The following FMN2 variants were observed in gnomAD, a reference collection of about 807,000 sequenced individuals.
FMN2 encodes the protein formin-2.
A neutral mutation model predicts 142.3 loss-of-function variants in FMN2; 51 were observed. The observed-to-expected ratio is 0.36, with a 90% confidence interval of 0.29 to 0.45. The LOEUF is 0.45. Among genes scored for constraint, FMN2 ranks in the 20% least tolerant of loss-of-function variants. FMN2 has a pLI of 1.00. For missense variants in FMN2, 1,936 were observed against 2,122.8 expected, an observed-to-expected ratio of 0.91 and a Z score of 1.73; for synonymous variants, 882 against 869.8, an observed-to-expected ratio of 1.01 and a Z score of -0.25.
intron 8 of FMN2, among the ~76,000 whole-genome samples, chr1:240,328,167 A>AAAAAAGAAAAAG (rs796164696): frequency 1.4e-5 from 2 of 141,076 alleles, no homozygotes; most frequent in Non-Finnish European, 3.1e-5. Flanking sequence ...AAAAAAAAAA[A>AAAAAAGAAAAAG]AAAAAGAAAA....
Position 240,334,104 on chromosome 1 carries a change from A to C in FMN2, c.4645-5A>C, listed in dbSNP as rs762761925. 3 of 1,591,542 alleles carry C rather than the reference A, an allele frequency of 1.9e-6. No homozygotes were observed. In the Admixed American group the frequency reaches 5.6e-5, roughly 30 times the overall value. On this transcript the variant is annotated splice_region_variant and splice_polypyrimidine_tract_variant and intron_variant, in intron 12 of 17. Transcript: ENST00000319653. ...TTAAATATGATGGGGTTTTTTGTTCATTAGGATGCTGGAAAAGAACAGTGC... is the reference window on the plus strand; with the variant it reads ...TTAAATATGATGGGGTTTTTTGTTCCTTAGGATGCTGGAAAAGAACAGTGC...
Position 240,430,982 on chromosome 1 carries a change from T to TAA in FMN2, c.4911-7066_4911-7065dup, listed in dbSNP as rs377031896. 1.4e-3 allele frequency among the ~76,000 whole-genome samples: 201 copies of TAA among 141,586 alleles called. 3 individuals carry two copies. The highest frequency in any genetic ancestry group is 4.4e-3 in the African/African-American group (171 of 39,008). The allele number at this position is 141,586 out of a possible 152,430, so 92.9% of individuals were successfully genotyped here. A position where few individuals can be genotyped will look rare whatever the true frequency, so the allele number is the denominator to read the frequency against. On this transcript the variant is annotated intron_variant, in intron 15 of 17. Transcript: ENST00000319653. ...TTTAGAATCAGCATATCAGTCCCTT[T>TAA]AAAAAAAAAAAAAACTCTTGATTGG...
intron 2 of FMN2, chr1:240,143,074 C>A: frequency 6.6e-7 from 1 of 1,513,228 alleles, no homozygotes; most frequent in Middle Eastern, 1.7e-4. Context: ...GTAAGTGTAC[C>A]CTTCCCTAAA....
chr1:240,388,227 C>CAAAAAAAAAA (rs761610582), intron 14 of FMN2, among the ~76,000 whole-genome samples: 3 of 6,052 alleles, frequency 5.0e-4, no homozygotes, highest in African/African-American at 1.7e-3. Context: ...GTGCTCAAAG[C>CAAAAAAAAAA]AAAAAAAAAA....
intron 8 of FMN2, among the ~76,000 whole-genome samples, chr1:240,323,848 C>A (rs997885575): frequency 6.6e-6 from 1 of 152,198 alleles, no homozygotes; most frequent in African/African-American, 2.4e-5. Context: ...TGTCTTTCCT[C>A]TGAAGCTTCC....
chr1:240,472,126 T>A, intron 16 of FMN2: 1 of 391,974 alleles, frequency 2.6e-6, no homozygotes. Flanking sequence ...AATTCTTATG[T>A]GTTTGTATAT....
intron 1 of FMN2, among the ~76,000 whole-genome samples, chr1:240,112,773 TTCCTGATA>T (rs1342074268): frequency 6.6e-6 from 1 of 152,126 alleles, no homozygotes; most frequent in Admixed American, 6.5e-5. Context: ...CACTTGCGTT[TTCCTGATA>T]AGTGACCCTG....
intron 16 of FMN2, among the ~76,000 whole-genome samples, chr1:240,444,135 A>G (rs937293050): frequency 1.3e-5 from 2 of 152,204 alleles, no homozygotes; most frequent in Non-Finnish European, 2.9e-5. Context: ...GTGTTCAGCT[A>G]TATAACCATG....
rs1235909549 is a variant in FMN2, at chr1:240,123,341, T to G, written c.1778T>G (p.Phe593Cys). 3.7e-6 allele frequency: 6 copies of G among 1,613,372 alleles called. No homozygotes were observed. The highest frequency in any genetic ancestry group is 5.1e-6 in the Non-Finnish European group (6 of 1,179,796). Residue 593 changes from phenylalanine to cysteine, a missense_variant, in exon 2 of 18, where the codon TTT (phenylalanine) becomes TGT (cysteine). By Grantham distance (205) the Phe-to-Cys change is radical. Transcript: ENST00000319653. Reference protein sequence around the residue: ...NQNAQTNAASFDQDQLYTWAA... With the variant: ...NQNAQTNAASCDQDQLYTWAA... Reference sequence around the variant, plus strand: ...AATGCCCAGACGAATGCAGCTTCGTTTGATGTAAGTAGGAGAATTCACTTC... The same window carrying G: ...AATGCCCAGACGAATGCAGCTTCGTGTGATGTAAGTAGGAGAATTCACTTC...
chr1:240,335,844 T>G (rs1671535818), intron 13 of FMN2, among the ~76,000 whole-genome samples: 1 of 151,994 alleles, frequency 6.6e-6, no homozygotes, highest in Admixed American at 6.6e-5. Flanking sequence ...ATAGTGGGTT[T>G]GAAAAGGACA....
intron 14 of FMN2, among the ~76,000 whole-genome samples, chr1:240,377,059 TA>T (rs928609349): frequency 8.5e-5 from 13 of 152,154 alleles, no homozygotes; most frequent in Non-Finnish European, 1.6e-4. Context: ...GTCATTATCT[TA>T]AAAAAATTTT....
Position 240,329,396 on chromosome 1 carries a change from G to A in FMN2, c.4365G>A (p.Leu1455=), listed in dbSNP as rs960764583. ...TTTCAGAGCGAGTCTTTTGCATCCT[G>A]TTCCAGTCCACATTTTCAGAAAGCA... The part of the protein sequence containing the change: ...PNFSERVFCI[L]FQSTFSESIC... The change falls in exon 10 of 18, where the codon CTG becomes CTA. Residue 1455 remains leucine (L), a synonymous_variant. Coordinates refer to ENST00000319653, the MANE Select transcript of FMN2 (RefSeq NM_020066.5). The A allele has an allele frequency of 6.2e-6, 10 of 1,613,938 alleles. No individual in the cohort carries two copies. The highest frequency in any genetic ancestry group is 7.6e-6 in the Non-Finnish European group (9 of 1,179,982).
chr1:240,279,856 C>A (rs1669340681), intron 7 of FMN2, among the ~76,000 whole-genome samples: 1 of 152,006 alleles, frequency 6.6e-6, no homozygotes. Flanking sequence ...TACACAAAAA[C>A]CAGTGTATCA....
At position 240,208,569 on chromosome 1, in the gene FMN2, A is replaced by C. The variant is rs1480059574; in HGVS notation, c.3757A>C (p.Thr1253Pro). Residue 1253 changes from threonine to proline, a missense_variant, in exon 5 of 18, where the codon ACT becomes CCT. Coordinates refer to ENST00000319653, the MANE Select transcript of FMN2 (RefSeq NM_020066.5). The stretch of plus-strand genomic sequence containing the variant: ...ACTCCTCCCACAAGTTGGGAGTAGC[A>C]CTTTACCAACCCCACAGGTGTGTGG... ...PPLLPQVGSS[T>P]LPTPQVCGFL... 2 of 1,613,038 alleles carry C rather than the reference A, an allele frequency of 1.2e-6. No individual in the cohort carries two copies. The highest frequency in any genetic ancestry group is 1.7e-6 in the Non-Finnish European group (2 of 1,179,878).
intron 8 of FMN2, among the ~76,000 whole-genome samples, chr1:240,325,044 G>A (rs1328148546): frequency 6.6e-6 from 1 of 152,110 alleles, no homozygotes. Flanking sequence ...CGCTGTGGTT[G>A]TAGAATGAAA....
At position 240,093,465 on chromosome 1, in the gene FMN2, C is replaced by G. The variant is rs1232240560; in HGVS notation, c.1356C>G (p.Ser452Arg). ...RIKRRPEPSL[S>R]RGSRTALASV... Reference sequence around the variant, plus strand: ...AGAGGCGGCCGGAACCCTCCCTGAGCCGAGGGTCCAGAACTGCCCTGGCCT... The same window carrying G: ...AGAGGCGGCCGGAACCCTCCCTGAGGCGAGGGTCCAGAACTGCCCTGGCCT... The change falls in exon 1 of 18, where the codon AGC (serine) becomes AGG (arginine). Residue 452 changes from serine to arginine, a missense_variant. By Grantham distance (110) the Ser-to-Arg change is moderately radical. Coordinates refer to ENST00000319653, the MANE Select transcript of FMN2 (RefSeq NM_020066.5). The G allele has an allele frequency of 6.2e-7, 1 of 1,613,308 alleles. No individual in the cohort carries two copies. The highest frequency in any genetic ancestry group is 8.5e-7 in the Non-Finnish European group (1 of 1,179,684).
intron 15 of FMN2, among the ~76,000 whole-genome samples, chr1:240,425,204 T>TGTGAGAGAGA (rs1674893939): frequency 7.4e-6 from 1 of 134,838 alleles, no homozygotes; most frequent in Non-Finnish European, 1.6e-5. Flanking sequence ...TTGAATGAGG[T>TGTGAGAGAGA]GAGAGAGAGA....
rs1159085403 is a variant in FMN2 at position 240,092,968 on chromosome 1, C to T, written c.859C>T (p.Pro287Ser). ...SDLPESLAAE[P>S]REPQQPPSPG... ...CCTGCCCGAGAGCCTGGCCGCCGAG[C>T]CCCGGGAGCCCCAGCAACCGCCGTC... is the stretch of plus-strand genomic sequence containing the variant. The change falls in exon 1 of 18, where the codon CCC (proline) becomes TCC (serine). Residue 287 changes from proline (P) to serine (S), a missense_variant. Transcript: ENST00000319653. 7.1e-7 allele frequency: 1 copy of T among 1,408,212 alleles called. No homozygotes were observed. Among genetic ancestry groups the T allele is most frequent in the South Asian group, 1.5e-5 (1 of 64,964 alleles). The allele number at this position is 1,408,212 out of a possible 1,614,324, so 87.2% of individuals were successfully genotyped here.
intron 7 of FMN2, among the ~76,000 whole-genome samples, chr1:240,260,268 A>G (rs1233209136): frequency 6.6e-6 from 1 of 152,188 alleles, no homozygotes; most frequent in Non-Finnish European, 1.5e-5. Flanking sequence ...GTAGATATCC[A>G]GTAGTGGGAT....
Sources: gnomAD v4.1 joint callset for allele counts (sites outside exome capture counted in the v4.1 genomes callset) on GRCh38, gnomAD v4.1.1 for gene constraint, MANE v1.5 for transcripts, NCBI Gene and HGNC (gene_info 2026-07-23, HGNC 2026-07-21) for gene names.